Variants in KLB observed in about 807,000 individuals in gnomAD.
KLB encodes the protein beta-klotho.
A neutral mutation model predicts 88.4 loss-of-function variants in KLB; 44 were observed. The ratio of observed to expected loss-of-function variants is 0.50; its 90% CI spans 0.39 to 0.64. The LOEUF is 0.64. Ranked by LOEUF, KLB falls within the 30% of genes least tolerant of loss-of-function variation. The pLI is 0.00. For missense variants in KLB, 1,137 were observed against 1,304.8 expected (o/e 0.87, Z 1.98); for synonymous variants, 548 against 513.4 (o/e 1.07, Z -0.91).
chr4:39,417,928 T>G (rs575967119), intron 1 of KLB, among the ~76,000 whole-genome samples: 26 of 152,248 alleles, frequency 1.7e-4, no homozygotes, highest in African/African-American at 5.1e-4. Flanking sequence ...TCTGTGTCAA[T>G]CCAAGCTAGC....
chr4:39,410,793 A>G (rs747442706), intron 1 of KLB, among the ~76,000 whole-genome samples: 14 of 152,210 alleles, frequency 9.2e-5, no homozygotes, highest in Non-Finnish European at 1.8e-4. Flanking sequence ...TTCATTCCCC[A>G]CTTCTCAGAT....
chr4:39,434,277 T>A lies in KLB; in HGVS notation c.893T>A (p.Ile298Asn), dbSNP rs749099233. Residue 298 changes from isoleucine to asparagine, a missense_variant, in exon 2 of 5, where the codon ATC becomes AAC. By Grantham distance (149) the Ile-to-Asn change is moderately radical. This residue lies in a region of KLB where 597 missense variants were observed against 765.2 expected (regional missense o/e 0.78). Coordinates refer to ENST00000257408, the MANE Select transcript of KLB (RefSeq NM_175737.4). Reference sequence around the variant, plus strand: ...CCACATCAGAAGGGTTGGTTATCGATCACGTTGGGATCTCATTGGATCGAG... The same window carrying A: ...CCACATCAGAAGGGTTGGTTATCGAACACGTTGGGATCTCATTGGATCGAG... ...FRPHQKGWLS[I>N]TLGSHWIEPN... is the part of the protein sequence containing the mutation. 3.5e-5 allele frequency: 56 copies of A among 1,614,046 alleles called. No homozygotes were observed. The highest frequency in any genetic ancestry group is 4.5e-5 in the Non-Finnish European group (53 of 1,180,000).
chr4:39,437,277 A>T (rs1306897914), intron 2 of KLB, among the ~76,000 whole-genome samples: 1 of 152,104 alleles, frequency 6.6e-6, no homozygotes, highest in Admixed American at 6.6e-5. Context: ...ATTTATGTTA[A>T]TTCTAAAAGC....
intron 1 of KLB, among the ~76,000 whole-genome samples, chr4:39,431,651 C>T (rs1743365573): frequency 6.6e-6 from 1 of 152,178 alleles, no homozygotes; most frequent in African/African-American, 2.4e-5. Flanking sequence ...CAGAGGTATA[C>T]CTCAAGGAAT....
chr4:39,436,458 C>G (rs1219311200), intron 2 of KLB, among the ~76,000 whole-genome samples: 2 of 152,160 alleles, frequency 1.3e-5, no homozygotes, highest in African/African-American at 4.8e-5. Context: ...TGTTACCATT[C>G]CACCTCTCCT....
intron 1 of KLB, among the ~76,000 whole-genome samples, chr4:39,427,813 G>C (rs75892287): frequency 6.6e-6 from 1 of 152,104 alleles, no homozygotes; most frequent in Admixed American, 6.5e-5. Flanking sequence ...CTCATTTGAC[G>C]TTCACGAAAA....
intron 1 of KLB, among the ~76,000 whole-genome samples, chr4:39,424,511 A>G (rs1419492905): frequency 6.6e-6 from 1 of 151,836 alleles, no homozygotes; most frequent in Non-Finnish European, 1.5e-5. Flanking sequence ...GTAGGTAAGC[A>G]AGGCGACCTG....
In KLB at chr4:39,448,620, A is replaced by G. The variant is rs1211982153; in HGVS notation, c.3069A>G (p.Arg1023=). The G allele has an allele frequency of 5.0e-6, 8 of 1,613,800 alleles. No individual in the cohort carries two copies. The highest frequency in any genetic ancestry group is 5.9e-6 in the Non-Finnish European group (7 of 1,179,990). The stretch of plus-strand genomic sequence containing the variant: ...CCATTTTTCAAAGGCAGAAGAGAAG[A>G]AAGTTTTGGAAAGCAAAAAACTTAC... ...SIAIFQRQKR[R]KFWKAKNLQH... The change falls in exon 5 of 5, where the codon AGA becomes AGG. Residue 1023 remains arginine (R), a synonymous_variant. Transcript: ENST00000257408.
chr4:39,424,789 T>C (rs1973108), intron 1 of KLB, among the ~76,000 whole-genome samples: 37,773 of 151,752 alleles, frequency 0.25, 5,695 homozygotes, highest in African/African-American at 0.42. Flanking sequence ...CCACCACGCC[T>C]GGCTAATTTT....
chr4:39,430,915 G>GTTT (rs76141581), intron 1 of KLB, among the ~76,000 whole-genome samples: 3 of 141,794 alleles, frequency 2.1e-5, no homozygotes, highest in Admixed American at 7.2e-5. Flanking sequence ...CGGTTGGAAA[G>GTTT]TTTTTTTTTT....
chr4:39,407,060 A>G lies in KLB; in HGVS notation c.111A>G (p.Arg37=). The part of the protein sequence containing the change: ...RNTMSNGGLQ[R]SVILSALILL... ...CAATGTCCAACGGGGGATTGCAAAG[A>G]TCTGTCATCCTGTCAGCACTTATTC... Residue 37 remains arginine, a synonymous_variant, in exon 1 of 5, where the codon AGA becomes AGG. Transcript: ENST00000257408. 3 of 1,613,964 alleles carry G rather than the reference A, an allele frequency of 1.9e-6. No homozygotes were observed. Among genetic ancestry groups the G allele is most frequent in the East Asian group, 2.2e-5 (1 of 44,892 alleles).
At chr4:39,411,042 AGTTTTT>A (rs1366843575) in intron 1 of KLB, among the ~76,000 whole-genome samples, 2 of 151,530 alleles carry the variant, frequency 1.3e-5, no homozygotes, top group Admixed American at 6.6e-5. Context: ...ACCAACTCTA[AGTTTTT>A]GTTTTTGTTT....
intron 1 of KLB, among the ~76,000 whole-genome samples, chr4:39,432,009 GGGTGCAGTGGCTCACGCCT>G (rs1284733861): frequency 6.6e-6 from 1 of 152,178 alleles, no homozygotes; most frequent in Non-Finnish European, 1.5e-5. Context: ...AGTGGGGGCC[GGGTGCAGTGGCTCACGCCT>G]GTAATCCCAG....
At position 39,450,239 on chromosome 4, in the gene KLB, C is replaced by G. The variant is rs982752909; in HGVS notation, c.*1553C>G. On this transcript the variant is annotated 3_prime_UTR_variant, in exon 5 of 5. Coordinates refer to ENST00000257408, the MANE Select transcript of KLB (RefSeq NM_175737.4). Reference sequence around the variant, plus strand: ...AAATATGCACCTATTTATACCTATTCTTTCTTTAGGTCAACATTTAACACC... The same window carrying G: ...AAATATGCACCTATTTATACCTATTGTTTCTTTAGGTCAACATTTAACACC... The G allele has an allele frequency of 6.6e-6, 1 of 152,184 alleles. No homozygotes were observed. Among genetic ancestry groups the G allele is most frequent in the Non-Finnish European group, 1.5e-5 (1 of 68,030 alleles). The allele number at this position is 152,184 out of a possible 1,614,324, so 9.4% of individuals were successfully genotyped here.
intron 1 of KLB, among the ~76,000 whole-genome samples, chr4:39,431,119 G>A (rs1156891498): frequency 2.0e-5 from 3 of 148,696 alleles, no homozygotes; most frequent in South Asian, 4.3e-4. Context: ...TTGTAGATAC[G>A]GGGTTTCGTC....
intron 1 of KLB, among the ~76,000 whole-genome samples, chr4:39,408,811 A>C (rs2109816124): frequency 6.6e-6 from 1 of 152,206 alleles, no homozygotes; most frequent in East Asian, 1.9e-4. Flanking sequence ...TGAGTCAAAT[A>C]GTTTACTTAG....
At chr4:39,411,459 T>C (rs1051511395) in intron 1 of KLB, among the ~76,000 whole-genome samples, 3 of 148,036 alleles carry the variant, frequency 2.0e-5, no homozygotes, top group African/African-American at 5.0e-5. Flanking sequence ...CCTGCCTCAG[T>C]CTCCCGTCAA....
At chr4:39,434,148 C>T in intron 1 of KLB, 62 bp from the exon 2 acceptor site, 1 of 1,442,848 alleles carries the variant, frequency 6.9e-7, no homozygotes, top group Admixed American at 2.1e-5. Context: ...GGCCATTTAC[C>T]AGCCATGTTA....
intron 3 of KLB, among the ~76,000 whole-genome samples, chr4:39,445,216 C>T (rs1022393010): frequency 1.3e-5 from 2 of 152,122 alleles, no homozygotes; most frequent in East Asian, 1.9e-4. Context: ...CACAGCACAC[C>T]TGTGAGGTGG....
Sources: allele counts gnomAD v4.1 joint callset (sites outside exome capture counted in the v4.1 genomes callset), GRCh38; gene constraint gnomAD v4.1.1; regional missense constraint gnomAD v4.1.1; transcripts MANE v1.5; gene names NCBI Gene and HGNC (gene_info 2026-07-23, HGNC 2026-07-21).